The following P3H2 variants were observed in gnomAD, a reference collection of about 807,000 sequenced individuals.
P3H2 encodes the protein prolyl 3-hydroxylase 2, also known as leprecan-like 1.
Under a neutral mutation model 87.0 loss-of-function variants are expected in P3H2, and 80 were observed. That is an observed-to-expected ratio of 0.92 (90% CI 0.77 to 1.11). P3H2 has a LOEUF of 1.11. Among genes scored for constraint, P3H2 ranks in the 50% least tolerant of loss-of-function variants. P3H2 has a pLI of 0.00. For missense variants in P3H2, 1,001 were observed against 923.9 expected (o/e 1.08, Z -1.08); for synonymous variants, 367 against 359.3 (o/e 1.02, Z -0.24).
intron 1 of P3H2, among the ~76,000 whole-genome samples, chr3:190,080,728 A>T (rs1453682927): frequency 6.6e-6 from 1 of 152,042 alleles, no homozygotes; most frequent in Non-Finnish European, 1.5e-5. Context: ...TTCTAACCCC[A>T]ACTGTAGATG....
At chr3:190,105,324 C>T (rs904377862) in intron 1 of P3H2, among the ~76,000 whole-genome samples, 10 of 152,190 alleles carry the variant, frequency 6.6e-5, no homozygotes, top group East Asian at 1.9e-4. Context: ...TTCTTCAGTG[C>T]CATAAAGATC....
chr3:189,990,787 C>A (rs2108921454), intron 3 of P3H2, among the ~76,000 whole-genome samples: 1 of 152,190 alleles, frequency 6.6e-6, no homozygotes, highest in East Asian at 1.9e-4. Flanking sequence ...TGCCTCCTTT[C>A]TATCTTAAAT....
chr3:190,083,030 A>G (rs2108980604), intron 1 of P3H2, among the ~76,000 whole-genome samples: 1 of 152,376 alleles, frequency 6.6e-6, no homozygotes, highest in African/African-American at 2.4e-5. Flanking sequence ...GCAGAGGATC[A>G]TGCAGCTTAT....
intron 1 of P3H2, among the ~76,000 whole-genome samples, chr3:189,998,021 T>C (rs757746021): frequency 2.0e-5 from 3 of 152,216 alleles, no homozygotes; most frequent in Non-Finnish European, 4.4e-5. Flanking sequence ...TGGAGGATTT[T>C]GGAAGGATTC....
chr3:190,008,546 A>G (rs1430833382), intron 1 of P3H2, among the ~76,000 whole-genome samples: 2 of 152,206 alleles, frequency 1.3e-5, no homozygotes, highest in African/African-American at 4.8e-5. Context: ...AGGGTTTCTG[A>G]TTCCAATTTT....
chr3:190,069,637 CCAGT>C (rs566421434), intron 1 of P3H2, among the ~76,000 whole-genome samples: 99 of 152,218 alleles, frequency 6.5e-4, no homozygotes, highest in African/African-American at 1.7e-3. Context: ...TTTCAGAGGG[CCAGT>C]CAAAGAACCA....
At chr3:190,105,342 A>G (rs1237522747) in intron 1 of P3H2, among the ~76,000 whole-genome samples, 2 of 152,334 alleles carry the variant, frequency 1.3e-5, no homozygotes, top group South Asian at 4.1e-4. Flanking sequence ...ATCAGGAACA[A>G]TCGCCTCAAA....
At chr3:190,018,806 T>G (rs148248811) in intron 1 of P3H2, among the ~76,000 whole-genome samples, 24 of 152,340 alleles carry the variant, frequency 1.6e-4, no homozygotes, top group African/African-American at 5.8e-4. Context: ...TGTAAGTGCT[T>G]GTTGATGTAT....
At chr3:190,080,509 T>C in intron 1 of P3H2, among the ~76,000 whole-genome samples, 1 of 151,616 alleles carries the variant, frequency 6.6e-6, no homozygotes, top group South Asian at 2.1e-4. Context: ...CAAGTGATTC[T>C]CCTGCTTCAG....
intron 1 of P3H2, among the ~76,000 whole-genome samples, chr3:190,113,638 T>C (rs533237148): frequency 4.9e-4 from 75 of 152,304 alleles, no homozygotes; most frequent in African/African-American, 1.7e-3. Flanking sequence ...TATGAGGAAG[T>C]TGACATTTTA....
intron 8 of P3H2, among the ~76,000 whole-genome samples, chr3:189,981,731 T>C (rs1178964002): frequency 1.3e-5 from 2 of 152,208 alleles, no homozygotes; most frequent in African/African-American, 4.8e-5. Context: ...TTGGCAACTG[T>C]CCTGGAGTTT....
chr3:190,054,292 T>A (rs1040289456), intron 1 of P3H2, among the ~76,000 whole-genome samples: 1 of 152,178 alleles, frequency 6.6e-6, no homozygotes. Context: ...GAAAATTGAA[T>A]CTTGAATAAT....
chr3:189,972,452 A>G (rs1723205598), intron 11 of P3H2, among the ~76,000 whole-genome samples: 1 of 152,180 alleles, frequency 6.6e-6, no homozygotes, highest in African/African-American at 2.4e-5. Flanking sequence ...GAGGAGAAAT[A>G]ATGCTGAGCA....
intron 1 of P3H2, among the ~76,000 whole-genome samples, chr3:190,007,801 G>A (rs1724432987): frequency 8.4e-6 from 1 of 119,256 alleles, no homozygotes; most frequent in East Asian, 2.7e-4. Flanking sequence ...TTAGGATACA[G>A]CGTTCAGATT....
chr3:190,058,074 A>G (rs1219594888), intron 1 of P3H2, among the ~76,000 whole-genome samples: 1 of 152,174 alleles, frequency 6.6e-6, no homozygotes, highest in Non-Finnish European at 1.5e-5. Context: ...ATAAAATAAA[A>G]TAAAGACTGT....
intron 1 of P3H2, among the ~76,000 whole-genome samples, chr3:190,107,528 C>T (rs903261991): frequency 9.9e-5 from 15 of 152,146 alleles, no homozygotes; most frequent in African/African-American, 3.6e-4. Flanking sequence ...ATGAGTTGAG[C>T]AGTTTTTATT....
intron 1 of P3H2, among the ~76,000 whole-genome samples, chr3:190,035,616 G>A (rs769399774): frequency 1.4e-4 from 21 of 151,894 alleles, no homozygotes; most frequent in Non-Finnish European, 2.4e-4. Flanking sequence ...ATAATCTTAT[G>A]CGTTTTATTT....
rs952953 is a variant in P3H2 at position 190,111,527 on chromosome 3, A to C, written c.480+8725T>G. 7.7e-3 allele frequency among the ~76,000 whole-genome samples: 1,178 copies of C among 152,242 alleles called. 12 individuals carry two copies. Among genetic ancestry groups the C allele is most frequent in the African/African-American group, 0.027 (1,118 of 41,544 alleles). On this transcript the variant is annotated intron_variant, in intron 1 of 14. Coordinates refer to ENST00000319332, the MANE Select transcript of P3H2 (RefSeq NM_018192.4). The stretch of plus-strand genomic sequence containing the variant: ...ATAGGGTGGTAAAGGGTGGGGAGAA[A>C]GAATGCCTTTTTTAAAAAAAATCAG...
intron 1 of P3H2, among the ~76,000 whole-genome samples, chr3:190,036,726 C>T (rs1027709941): frequency 3.3e-5 from 5 of 152,142 alleles, no homozygotes; most frequent in Non-Finnish European, 7.4e-5. Context: ...GAATTAGTTC[C>T]CCCAAGTTCC....
Sources: gnomAD v4.1 joint callset for allele counts (sites outside exome capture counted in the v4.1 genomes callset) on GRCh38, gnomAD v4.1.1 for gene constraint, MANE v1.5 for transcripts, NCBI Gene and HGNC (gene_info 2026-07-23, HGNC 2026-07-21) for gene names.